Variants in ADAM7 observed in about 807,000 individuals in gnomAD.
ADAM7 encodes the protein disintegrin and metalloproteinase domain-containing protein 7.
A neutral mutation model predicts 102.9 loss-of-function variants in ADAM7; 97 were observed. The observed-to-expected ratio is 0.94, with a 90% CI of 0.80 to 1.12. ADAM7 has a LOEUF of 1.12. ADAM7 is among the 50% of genes most tolerant of loss of function. The pLI, the probability that ADAM7 is intolerant of heterozygous loss-of-function variation, is 0.00. For missense variants in ADAM7, 991 were observed against 908.7 expected (o/e 1.09, Z -1.16); for synonymous variants, 334 against 304.4 (o/e 1.10, Z -1.01).
chr8:24,500,333 T>G (rs1489164618), intron 18 of ADAM7, 77 bp downstream of exon 18: 1 of 1,326,062 alleles, frequency 7.5e-7, no homozygotes, highest in African/African-American at 1.5e-5. Flanking sequence ...TTTTCAAGTC[T>G]GCTACTTATT....
intron 4 of ADAM7, among the ~76,000 whole-genome samples, chr8:24,464,488 A>C (rs1285670288): frequency 6.6e-6 from 1 of 152,124 alleles, no homozygotes; most frequent in African/African-American, 2.4e-5. Flanking sequence ...TTATTTTTAC[A>C]TCCCCATTGC....
intron 16 of ADAM7, among the ~76,000 whole-genome samples, chr8:24,497,269 G>T (rs112276647): frequency 0.036 from 5,450 of 152,158 alleles, 336 homozygotes; most frequent in African/African-American, 0.12. Flanking sequence ...TTTGTAAATT[G>T]CCCAGTCTCA....
intron 7 of ADAM7, among the ~76,000 whole-genome samples, chr8:24,471,221 A>C (rs2129384196): frequency 1.3e-5 from 2 of 152,250 alleles, no homozygotes; most frequent in South Asian, 4.1e-4. Flanking sequence ...AAAGTTTAAA[A>C]ATTTTTAAAG....
rs138424636 is a variant in ADAM7, at chr8:24,500,203, A to T, written c.1949A>T (p.His650Leu). 1.1e-4 allele frequency: 178 copies of T among 1,612,218 alleles called. No homozygotes were observed. The African/African-American group carries it at 1.5e-3, about 14-fold the overall frequency. ...NPVDGHGLQC[H>L]CEEGQAPVAC... Reference sequence around the variant, plus strand: ...GTGGATGGCCACGGACTCCAGTGCCACTGTGAGGAAGGACAGGCACCTGTA... The same window carrying T: ...GTGGATGGCCACGGACTCCAGTGCCTCTGTGAGGAAGGACAGGCACCTGTA... Residue 650 changes from histidine (H) to leucine (L), a missense_variant, in exon 18 of 22, where the codon CAC (histidine) becomes CTC (leucine). Physicochemically the swap from His to Leu is moderately conservative, Grantham distance 99 (BLOSUM62 -3). Coordinates refer to ENST00000175238, the MANE Select transcript of ADAM7 (RefSeq NM_003817.4).
At position 24,485,337 on chromosome 8, in the gene ADAM7, C is replaced by T. The variant is rs1488003329; in HGVS notation, c.936C>T (p.Pro312=). The change falls in exon 10 of 22, where the codon CCC becomes CCT. Residue 312 remains proline (P), a synonymous_variant. Transcript: ENST00000175238. ...CTTATCCAGGGGGTATGTGCCTGCC[C>T]TATTATTCCACCAGTATCATTAAGG... ...GISYPGGMCL[P]YYSTSIIKDL... 1.9e-6 allele frequency: 3 copies of T among 1,613,438 alleles called. No homozygotes were observed. The highest frequency in any genetic ancestry group is 2.5e-6 in the Non-Finnish European group (3 of 1,179,718).
At chr8:24,482,592 T>G in intron 9 of ADAM7, among the ~76,000 whole-genome samples, 1 of 151,866 alleles carries the variant, frequency 6.6e-6, no homozygotes. Context: ...GTACAAAAAA[T>G]TTAAAAATTA....
intron 21 of ADAM7, among the ~76,000 whole-genome samples, chr8:24,508,172 G>C (rs190781684): frequency 6.6e-6 from 1 of 151,976 alleles, no homozygotes; most frequent in Non-Finnish European, 1.5e-5. Context: ...TCCACAAAGC[G>C]TTCTTATGAG....
intron 18 of ADAM7, among the ~76,000 whole-genome samples, 153 bp from the exon 19 acceptor site, chr8:24,500,637 C>A (rs1820726754): frequency 6.6e-6 from 1 of 152,068 alleles, no homozygotes; most frequent in Admixed American, 6.6e-5. Flanking sequence ...AATGTTTGGG[C>A]TTTTTACTTT....
At chr8:24,450,001 T>C (rs528714240) in intron 3 of ADAM7, among the ~76,000 whole-genome samples, 52 of 152,324 alleles carry the variant, frequency 3.4e-4, no homozygotes, top group Non-Finnish European at 7.4e-4. Context: ...TTTGTTCCAT[T>C]GATCTATATC....
chr8:24,492,730 T>C (rs1263084393), intron 15 of ADAM7, 133 bp downstream of exon 15: 3 of 638,540 alleles, frequency 4.7e-6, no homozygotes, highest in Non-Finnish European at 8.0e-6. Context: ...AAGGAAATCT[T>C]GGTGTCCTGA....
intron 4 of ADAM7, among the ~76,000 whole-genome samples, chr8:24,464,686 C>T (rs940456050): frequency 1.3e-5 from 2 of 152,188 alleles, no homozygotes; most frequent in East Asian, 1.9e-4. Context: ...CTGCAACCTC[C>T]GCCTCCCAGG....
intron 20 of ADAM7, 88 bp from the exon 21 acceptor site, chr8:24,507,392 T>C (rs1820988088): frequency 9.8e-7 from 1 of 1,019,036 alleles, no homozygotes; most frequent in Middle Eastern, 2.1e-4. Flanking sequence ...TGCTCATGTG[T>C]ATGTGTGCAC....
Position 24,509,156 on chromosome 8 carries a change from T to A in ADAM7, c.*610T>A. ...AAACACAGAATGCTCCTGGCAATTC[T>A]AAATTCCTAGGTTTGCCTTTCTAGA... On this transcript the variant is annotated 3_prime_UTR_variant, in exon 22 of 22. Transcript: ENST00000175238. The A allele has an allele frequency of 1.0e-6, 1 of 985,466 alleles. No individual in the cohort carries two copies. Among genetic ancestry groups the A allele is most frequent in the Non-Finnish European group, 1.2e-6 (1 of 829,966 alleles). 61.0% of individuals were successfully genotyped at this position (985,466 alleles called of 1,614,324 possible). A position where few individuals can be genotyped will look rare whatever the true frequency, so the allele number is the denominator to read the frequency against.
chr8:24,483,565 C>A (rs1820033120), intron 9 of ADAM7, among the ~76,000 whole-genome samples: 1 of 152,164 alleles, frequency 6.6e-6, no homozygotes, highest in South Asian at 2.1e-4. Flanking sequence ...AGTCCTTTGG[C>A]AGATTAATGA....
intron 3 of ADAM7, among the ~76,000 whole-genome samples, chr8:24,455,004 C>A (rs1231305959): frequency 6.6e-6 from 1 of 152,050 alleles, no homozygotes; most frequent in African/African-American, 2.4e-5. Flanking sequence ...GCGTATGAGT[C>A]ACCAGAAATA....
Position 24,501,500 on chromosome 8 carries a change from T to C in ADAM7, c.2132T>C (p.Val711Ala). 6.2e-7 allele frequency: 1 copy of C among 1,606,826 alleles called. No individual in the cohort carries two copies. The highest frequency in any genetic ancestry group is 8.5e-7 in the Non-Finnish European group (1 of 1,177,610). ...AGCCCACCTACAGAAACCCTGGGAG[T>C]GGAGAACAAAGGATACTTTGGTGAT... is the stretch of plus-strand genomic sequence containing the variant. ...VQSPPTETLG[V>A]ENKGYFGDEQ... is the part of the protein sequence containing the mutation. Residue 711 changes from valine (V) to alanine (A), a missense_variant, in exon 20 of 22, where the codon GTG (valine) becomes GCG (alanine). By Grantham distance (64) the Val-to-Ala change is moderately conservative. Coordinates refer to ENST00000175238, the MANE Select transcript of ADAM7 (RefSeq NM_003817.4).
intron 16 of ADAM7, among the ~76,000 whole-genome samples, chr8:24,496,857 C>G (rs1039398140): frequency 6.6e-6 from 1 of 152,126 alleles, no homozygotes; most frequent in African/African-American, 2.4e-5. Flanking sequence ...GGACTGTGGA[C>G]TTTTGAGTTA....
chr8:24,482,006 T>G, intron 8 of ADAM7, 136 bp from the exon 9 acceptor site: 7 of 568,032 alleles, frequency 1.2e-5, no homozygotes, highest in Non-Finnish European at 1.5e-5. Flanking sequence ...GTTTGCAACA[T>G]GAGGCTTGCA....
At position 24,479,361 on chromosome 8, in the gene ADAM7, TTTTTG is replaced by T. The variant is rs556899516; in HGVS notation, c.706-2756_706-2752del. Among the ~76,000 whole-genome samples the T allele has an allele frequency of 2.6e-4, 39 of 152,084 alleles. 1 individual carries two copies. Among genetic ancestry groups the T allele is most frequent in the South Asian group, 6.2e-4 (3 of 4,832 alleles). On this transcript the variant is annotated intron_variant, in intron 8 of 21. Transcript: ENST00000175238. ...CCTGTCCTCCAGGAGTAGAAGGCTA[TTTTTG>T]TTTTGTTTTGTTTTGTTTTGTTTTC...
Sources: gnomAD v4.1 joint callset for allele counts (sites outside exome capture counted in the v4.1 genomes callset) on GRCh38, gnomAD v4.1.1 for gene constraint, MANE v1.5 for transcripts, NCBI Gene and HGNC (gene_info 2026-07-23, HGNC 2026-07-21) for gene names.